Variants in AHCYL2 observed in about 807,000 individuals in gnomAD.
AHCYL2 encodes S-adenosylhomocysteine hydrolase-like protein 2.
AHCYL2 carries 28 observed loss-of-function variants against 81.4 expected under a neutral mutation model. That is an observed-to-expected ratio of 0.34 (90% CI 0.25 to 0.47). The LOEUF (loss-of-function observed/expected upper bound fraction) is 0.47. Ranked by LOEUF, AHCYL2 falls within the 20% of genes least tolerant of loss-of-function variation. AHCYL2 has a pLI of 1.00. For missense variants in AHCYL2, 551 were observed against 785.1 expected (o/e 0.70, Z 3.56); for synonymous variants, 272 against 290.2 (o/e 0.94, Z 0.64).
chr7:129,394,583 G>T (rs1795633955), intron 4 of AHCYL2, among the ~76,000 whole-genome samples: 3 of 151,976 alleles, frequency 2.0e-5, no homozygotes, highest in African/African-American at 4.8e-5. Context: ...GAATAACTGG[G>T]ATTAAAGGCA....
At chr7:129,418,896 C>G (rs1457804766) in intron 12 of AHCYL2, among the ~76,000 whole-genome samples, 1 of 152,116 alleles carries the variant, frequency 6.6e-6, no homozygotes, top group Non-Finnish European at 1.5e-5. Context: ...AGAAGTGATA[C>G]ATTGTGACCA....
chr7:129,403,703 A>C (rs924917270), intron 7 of AHCYL2, among the ~76,000 whole-genome samples: 3 of 151,744 alleles, frequency 2.0e-5, no homozygotes, highest in Non-Finnish European at 4.4e-5. Flanking sequence ...CTCTACTAAA[A>C]ATACAAAAAA....
At chr7:129,372,320 A>G (rs999272925) in intron 1 of AHCYL2, among the ~76,000 whole-genome samples, 3 of 152,226 alleles carry the variant, frequency 2.0e-5, no homozygotes, top group Non-Finnish European at 4.4e-5. Context: ...CATCCTTTGT[A>G]GTATTACTTT....
At chr7:129,410,138 G>A (rs1431930046) in intron 11 of AHCYL2, 2 of 1,586,598 alleles carry the variant, frequency 1.3e-6, no homozygotes, top group African/African-American at 2.7e-5. Flanking sequence ...TCCAAATTGA[G>A]ATGAACGATT....
In AHCYL2 at chr7:129,427,189, T is replaced by A. The variant is rs958530789; in HGVS notation, c.*144T>A. The A allele has an allele frequency of 2.3e-6, 2 of 854,892 alleles. No homozygotes were observed. Among genetic ancestry groups the A allele is most frequent in the Non-Finnish European group, 3.6e-6 (2 of 557,648 alleles). The allele number at this position is 854,892 out of a possible 1,614,324, so 53.0% of individuals were successfully genotyped here. ...CCTGTGTGTTAGGTTATTTATTTAT[T>A]AAAATCAAGAATCCTGTGCCTGTAG... On this transcript the variant is annotated 3_prime_UTR_variant, in exon 17 of 17. Coordinates refer to ENST00000325006, the MANE Select transcript of AHCYL2 (RefSeq NM_015328.4). This position sits in a 1 kb window ranked among gnomAD's most constrained non-coding sequence, Gnocchi z 5.5.
chr7:129,401,339 G>GT (rs1554494101), intron 6 of AHCYL2, among the ~76,000 whole-genome samples: 3 of 144,658 alleles, frequency 2.1e-5, no homozygotes, highest in Admixed American at 2.0e-4. Context: ...CCATCCCAGT[G>GT]CCCCCCCCCA....
intron 1 of AHCYL2, among the ~76,000 whole-genome samples, chr7:129,255,974 A>C (rs1271525666): frequency 5.9e-5 from 9 of 152,126 alleles, no homozygotes; most frequent in Admixed American, 3.3e-4. Context: ...AAAAAACAAA[A>C]AAAAAAAGAA....
Position 129,368,606 on chromosome 7 carries a change from C to T in AHCYL2, c.364-11032C>T, listed in dbSNP as rs565120716. 2.5e-5 allele frequency: 40 copies of T among 1,592,964 alleles called. No homozygotes were observed. In the South Asian group the frequency reaches 4.4e-4, roughly 18 times the overall value. ...TCTGTTTCTTGATAATGAGAGGCAA[C>T]CATTTCTGACGGGTGACAAGGATCA... On this transcript the variant is annotated intron_variant, in intron 1 of 16. Coordinates refer to ENST00000325006, the MANE Select transcript of AHCYL2 (RefSeq NM_015328.4). The surrounding 1 kb of genome is among the most constrained non-coding windows in gnomAD (Gnocchi z 4.4).
intron 5 of AHCYL2, among the ~76,000 whole-genome samples, chr7:129,397,984 A>T (rs1027809539): frequency 1.3e-5 from 2 of 152,228 alleles, no homozygotes; most frequent in East Asian, 3.8e-4. Context: ...TACCCCAGTG[A>T]ATTGTACATA....
chr7:129,416,039 C>G (rs552555562), intron 12 of AHCYL2, among the ~76,000 whole-genome samples: 14 of 151,498 alleles, frequency 9.2e-5, no homozygotes, highest in Middle Eastern at 3.2e-3. Flanking sequence ...AACTCCATCT[C>G]AAAAAGAAAA....
chr7:129,383,236 G>T (rs1237624037), intron 2 of AHCYL2, among the ~76,000 whole-genome samples: 8 of 151,948 alleles, frequency 5.3e-5, no homozygotes, highest in Admixed American at 1.3e-4. Context: ...CACAATCATG[G>T]CTTACTGTAG....
chr7:129,243,569 T>C (rs1563164095), intron 1 of AHCYL2, among the ~76,000 whole-genome samples: 1 of 43,264 alleles, frequency 2.3e-5, no homozygotes, highest in African/African-American at 3.8e-5. Context: ...CTTTTGTTTG[T>C]TTTTGTTTTT....
At chr7:129,423,730 A>G (rs1355918303) in intron 13 of AHCYL2, among the ~76,000 whole-genome samples, 1 of 152,158 alleles carries the variant, frequency 6.6e-6, no homozygotes, top group South Asian at 2.1e-4. Flanking sequence ...AATGTAAAAT[A>G]TACATTGTCT....
intron 4 of AHCYL2, among the ~76,000 whole-genome samples, chr7:129,393,979 A>G (rs1795590774): frequency 1.3e-5 from 2 of 151,634 alleles, no homozygotes; most frequent in African/African-American, 2.4e-5. Context: ...TTCTTTTTGT[A>G]TTTCAGTTCA....
chr7:129,279,071 T>C (rs1327043721), intron 1 of AHCYL2, among the ~76,000 whole-genome samples: 1 of 152,206 alleles, frequency 6.6e-6, no homozygotes, highest in Non-Finnish European at 1.5e-5. Context: ...CATGTGAATT[T>C]TAGAATCAGT....
At chr7:129,394,504 A>G (rs1388829319) in intron 4 of AHCYL2, among the ~76,000 whole-genome samples, 1 of 137,064 alleles carries the variant, frequency 7.3e-6, no homozygotes, top group African/African-American at 2.7e-5. Flanking sequence ...CTGGAGTGCA[A>G]CGGTGCAATC....
Position 129,340,069 on chromosome 7 carries a change from C to T in AHCYL2, c.364-39569C>T, listed in dbSNP as rs572161100. On this transcript the variant is annotated intron_variant, in intron 1 of 16. Transcript: ENST00000325006. ...TAGCAGCTGGGACTACAGGCGCACT[C>T]CGCCACGCTTGGCTTATTTTTTGTA... Among the ~76,000 whole-genome samples, 8 of 151,168 alleles carry T rather than the reference C, an allele frequency of 5.3e-5. No individual in the cohort carries two copies. In the South Asian group the frequency reaches 1.7e-3, roughly 32 times the overall value.
chr7:129,418,907 A>G (rs80098046), intron 12 of AHCYL2, among the ~76,000 whole-genome samples: 72 of 152,332 alleles, frequency 4.7e-4, no homozygotes, highest in African/African-American at 1.6e-3. Context: ...ATTGTGACCA[A>G]TGGAATTTGC....
intron 11 of AHCYL2, chr7:129,410,004 A>G (rs1321245226): frequency 1.5e-6 from 1 of 662,732 alleles, no homozygotes; most frequent in African/African-American, 1.8e-5. Context: ...TTGTCTCTGC[A>G]GGAGGTACAT....
Sources: gnomAD v4.1 joint callset for allele counts (sites outside exome capture counted in the v4.1 genomes callset) on GRCh38, gnomAD v4.1.1 for gene constraint, Gnocchi (gnomAD v3.1) non-coding constraint, MANE v1.5 for transcripts, NCBI Gene and HGNC (gene_info 2026-07-23, HGNC 2026-07-21) for gene names.